The following CACNA2D3 variants were observed in gnomAD, a reference collection of about 807,000 sequenced individuals.
The protein encoded by CACNA2D3 is voltage-dependent calcium channel subunit alpha-2/delta-3.
A neutral mutation model predicts 160.6 loss-of-function variants in CACNA2D3; 60 were observed. The ratio of observed to expected loss-of-function variants is 0.37; its 90% confidence interval spans 0.30 to 0.46. The LOEUF is 0.46. CACNA2D3 is among the 20% of genes least tolerant of loss of function. The pLI is 1.00. For synonymous variants in CACNA2D3, 558 were observed against 492.9 expected, an observed-to-expected ratio of 1.13 and a Z score of -1.75; for missense variants, 1,205 against 1,365.0, an observed-to-expected ratio of 0.88 and a Z score of 1.85.
chr3:54,468,300 G>A (rs1204039488), intron 4 of CACNA2D3, among the ~76,000 whole-genome samples: 4 of 152,324 alleles, frequency 2.6e-5, no homozygotes, highest in South Asian at 2.1e-4. Flanking sequence ...AGCAGAGTAG[G>A]GCTTTGCCTC....
intron 31 of CACNA2D3, among the ~76,000 whole-genome samples, chr3:54,991,827 C>G (rs1201321762): frequency 6.6e-6 from 1 of 152,150 alleles, no homozygotes; most frequent in Non-Finnish European, 1.5e-5. Flanking sequence ...TGAGAATTAA[C>G]TAAAATACAA....
intron 9 of CACNA2D3, among the ~76,000 whole-genome samples, chr3:54,582,540 C>T (rs1702695236): frequency 6.6e-6 from 1 of 152,232 alleles, no homozygotes; most frequent in African/African-American, 2.4e-5. Context: ...GCAACCACCA[C>T]TATACCACCC....
intron 4 of CACNA2D3, among the ~76,000 whole-genome samples, chr3:54,400,322 C>T (rs563066799): frequency 2.6e-5 from 4 of 152,124 alleles, no homozygotes; most frequent in Admixed American, 2.6e-4. Flanking sequence ...CTTGGCTCCT[C>T]CGAGAGTGAA....
At chr3:54,806,302 C>A (rs1703120889) in intron 13 of CACNA2D3, among the ~76,000 whole-genome samples, 1 of 152,074 alleles carries the variant, frequency 6.6e-6, no homozygotes, top group Non-Finnish European at 1.5e-5. Flanking sequence ...ATCTAGAAAA[C>A]CCCATTGTCT....
In CACNA2D3 at chr3:54,290,802, C is replaced by T. The variant is rs529096968; in HGVS notation, c.205-29640C>T. On this transcript the variant is annotated intron_variant, in intron 2 of 37. Coordinates refer to ENST00000474759, the MANE Select transcript of CACNA2D3 (RefSeq NM_018398.3). ...GAAACCATCATTCTCAGCAAACTAT[C>T]GCAAGGATAAAAAACCAAACACCGC... is the stretch of plus-strand genomic sequence containing the variant. 9.0e-4 allele frequency among the ~76,000 whole-genome samples: 136 copies of T among 151,878 alleles called. 1 individual carries two copies. Among genetic ancestry groups the T allele is most frequent in the Non-Finnish European group, 3.5e-4 (24 of 68,016 alleles).
At chr3:54,924,410 A>G (rs1394093124) in intron 27 of CACNA2D3, among the ~76,000 whole-genome samples, 1 of 152,210 alleles carries the variant, frequency 6.6e-6, no homozygotes, top group African/African-American at 2.4e-5. Flanking sequence ...TCCATGCAAC[A>G]TATTTGTAGA....
intron 35 of CACNA2D3, among the ~76,000 whole-genome samples, chr3:55,055,646 C>T (rs1467225980): frequency 6.6e-6 from 1 of 152,030 alleles, no homozygotes; most frequent in East Asian, 1.9e-4. Context: ...GTTGGATGGA[C>T]ATCTTAGCAA....
intron 13 of CACNA2D3, among the ~76,000 whole-genome samples, chr3:54,785,612 T>C (rs919686883): frequency 6.6e-5 from 10 of 152,210 alleles, no homozygotes; most frequent in African/African-American, 2.2e-4. Flanking sequence ...ACATGAATTA[T>C]TTTCTGTAGG....
Position 54,735,994 on chromosome 3 carries a change from CATATATAT to C in CACNA2D3, c.1168-16600_1168-16593del, listed in dbSNP as rs765236307. 2.7e-5 allele frequency among the ~76,000 whole-genome samples: 2 copies of C among 73,350 alleles called. 1 individual carries two copies. Among genetic ancestry groups the C allele is most frequent in the Non-Finnish European group, 6.0e-5 (2 of 33,558 alleles). 48.1% of individuals were successfully genotyped at this position (73,350 alleles called of 152,430 possible). A position where few individuals can be genotyped will look rare whatever the true frequency, so the allele number is the denominator to read the frequency against. On this transcript the variant is annotated intron_variant, in intron 11 of 37. Transcript: ENST00000474759. ...TTTTCCATGCATGTATATATATATACATATATATATATGTATATATATACACATACATA... is the reference window on the plus strand; with the variant it reads ...TTTTCCATGCATGTATATATATATACATATGTATATATATACACATACATA...
At chr3:55,057,015 C>G (rs1263957906) in intron 35 of CACNA2D3, among the ~76,000 whole-genome samples, 7 of 152,164 alleles carry the variant, frequency 4.6e-5, no homozygotes, top group Non-Finnish European at 1.0e-4. Context: ...GGCTGTGTCC[C>G]TGCCCAAATC....
intron 13 of CACNA2D3, among the ~76,000 whole-genome samples, chr3:54,812,744 C>G (rs977734769): frequency 6.6e-6 from 1 of 152,162 alleles, no homozygotes; most frequent in African/African-American, 2.4e-5. Flanking sequence ...TTGGAGCAGA[C>G]GTGGGTCCAC....
At chr3:54,268,994 T>A (rs912511750) in intron 2 of CACNA2D3, among the ~76,000 whole-genome samples, 4 of 152,152 alleles carry the variant, frequency 2.6e-5, no homozygotes, top group Non-Finnish European at 5.9e-5. Context: ...TTGGTTTCTC[T>A]CCTTGTTATT....
chr3:54,370,810 G>C (rs1464286269), intron 3 of CACNA2D3, among the ~76,000 whole-genome samples: 2 of 117,408 alleles, frequency 1.7e-5, no homozygotes, highest in East Asian at 5.1e-4. Flanking sequence ...ATCAGTTTTA[G>C]AATATTTTTC....
intron 3 of CACNA2D3, among the ~76,000 whole-genome samples, chr3:54,368,693 CTTTT>C (rs33976949): frequency 1.8e-4 from 13 of 71,504 alleles, no homozygotes; most frequent in African/African-American, 6.0e-4. Context: ...GGGTAGGGTT[CTTTT>C]TTTTTTTTTT....
At chr3:54,526,065 T>G (rs2106637280) in intron 5 of CACNA2D3, among the ~76,000 whole-genome samples, 1 of 152,178 alleles carries the variant, frequency 6.6e-6, no homozygotes, top group Admixed American at 6.5e-5. Flanking sequence ...TATCTTCAAG[T>G]TTGTTAATTC....
At chr3:54,365,919 A>C (rs746902060) in intron 3 of CACNA2D3, among the ~76,000 whole-genome samples, 2 of 152,184 alleles carry the variant, frequency 1.3e-5, no homozygotes, top group Non-Finnish European at 2.9e-5. Flanking sequence ...CCACAGTAAG[A>C]GAGGGATGTA....
At chr3:54,157,832 A>G (rs1196613374) in intron 2 of CACNA2D3, among the ~76,000 whole-genome samples, 4 of 87,138 alleles carry the variant, frequency 4.6e-5, no homozygotes, top group African/African-American at 7.5e-5. Context: ...AAACCCAACC[A>G]AACAAAAAAA....
chr3:54,970,920 T>C (rs934810591), intron 29 of CACNA2D3, among the ~76,000 whole-genome samples: 1 of 151,978 alleles, frequency 6.6e-6, no homozygotes, highest in Non-Finnish European at 1.5e-5. Context: ...TCATGAGGAC[T>C]TAAGAAATCC....
In CACNA2D3 at chr3:54,705,127, T is replaced by C. The variant is rs188692614; in HGVS notation, c.1168-47472T>C. 1.2e-3 allele frequency among the ~76,000 whole-genome samples: 190 copies of C among 152,318 alleles called. 2 individuals carry two copies. The highest frequency in any genetic ancestry group is 1.7e-3 in the Admixed American group (26 of 15,294). ...AAGATTAAGTTCATTGTTTTTAATT[T>C]GTGAAATATTTCAAATGTACTGAAT... is the stretch of plus-strand genomic sequence containing the variant. On this transcript the variant is annotated intron_variant, in intron 11 of 37. Transcript: ENST00000474759.
Sources: gnomAD v4.1 joint callset for allele counts (sites outside exome capture counted in the v4.1 genomes callset) on GRCh38, gnomAD v4.1.1 for gene constraint, MANE v1.5 for transcripts, NCBI Gene and HGNC (gene_info 2026-07-23, HGNC 2026-07-21) for gene names.